SCFD2: variants seen among roughly 807,000 people sequenced by gnomAD.
SCFD2 encodes sec1 family domain containing 2, also known as sec1 family domain-containing protein 2.
In SCFD2, 54 loss-of-function variants were observed where a neutral mutation model predicts 58.9. That is an observed-to-expected ratio of 0.92 (90% confidence interval 0.74 to 1.15). SCFD2 has a LOEUF of 1.15. Ranked by LOEUF, SCFD2 falls within the 50% of genes most tolerant of loss-of-function variation. The pLI is 0.00. For missense variants in SCFD2, 805 were observed against 836.6 expected, an observed-to-expected ratio of 0.96 and a Z score of 0.47; for synonymous variants, 321 against 335.9, an observed-to-expected ratio of 0.96 and a Z score of 0.49.
chr4:52,907,506 G>C lies in SCFD2; in HGVS notation c.1793C>G (p.Ser598Cys), dbSNP rs1719374107. The C allele has an allele frequency of 1.2e-6, 2 of 1,613,724 alleles. No individual in the cohort carries two copies. Among genetic ancestry groups the C allele is most frequent in the African/African-American group, 2.7e-5 (2 of 74,902 alleles). Residue 598 changes from serine to cysteine, a missense_variant, in exon 7 of 9, where the codon TCT (serine) becomes TGT (cysteine). Coordinates refer to ENST00000401642, the MANE Select transcript of SCFD2 (RefSeq NM_152540.4). Reference protein sequence around the residue: ...RPDSVDIEHMSSGLTDLLKTG... With the variant: ...RPDSVDIEHMCSGLTDLLKTG... ...TTTAAGGAGATCAGTGAGGCCTGAAGACATGTGTTCAATATCAACGGAATC... is the reference window on the plus strand; with the variant it reads ...TTTAAGGAGATCAGTGAGGCCTGAACACATGTGTTCAATATCAACGGAATC...
At chr4:53,168,829 C>T (rs1270347196) in intron 4 of SCFD2, among the ~76,000 whole-genome samples, 1 of 152,164 alleles carries the variant, frequency 6.6e-6, no homozygotes, top group Admixed American at 6.5e-5. Flanking sequence ...CACTGTGCAA[C>T]AGATCTCAAA....
intron 5 of SCFD2, among the ~76,000 whole-genome samples, chr4:53,123,656 C>T (rs1725547076): frequency 6.6e-6 from 1 of 152,184 alleles, no homozygotes; most frequent in Non-Finnish European, 1.5e-5. Context: ...TCCAAGTACA[C>T]AACTCTCACC....
chr4:53,000,920 C>A (rs189585580), intron 5 of SCFD2, among the ~76,000 whole-genome samples: 1 of 152,170 alleles, frequency 6.6e-6, no homozygotes, highest in Non-Finnish European at 1.5e-5. Context: ...GTCCATGACC[C>A]GGGGGTTTGG....
intron 4 of SCFD2, among the ~76,000 whole-genome samples, chr4:53,172,160 C>A (rs1352290322): frequency 6.6e-6 from 1 of 151,894 alleles, no homozygotes; most frequent in Non-Finnish European, 1.5e-5. Context: ...GCACGCACCA[C>A]CACACCCAGC....
chr4:53,198,182 A>G (rs1183702293), intron 4 of SCFD2, among the ~76,000 whole-genome samples: 1 of 152,058 alleles, frequency 6.6e-6, no homozygotes, highest in Non-Finnish European at 1.5e-5. Context: ...CTTTTATTTA[A>G]TAATTGAAAG....
At chr4:53,105,332 A>G (rs1268147769) in intron 5 of SCFD2, among the ~76,000 whole-genome samples, 1 of 151,316 alleles carries the variant, frequency 6.6e-6, no homozygotes, top group African/African-American at 2.4e-5. Flanking sequence ...TACCACCGAG[A>G]CAGAGCCGTT....
chr4:53,135,163 C>T (rs1725899441), intron 5 of SCFD2, among the ~76,000 whole-genome samples: 1 of 151,996 alleles, frequency 6.6e-6, no homozygotes, highest in Non-Finnish European at 1.5e-5. Context: ...ATCATTTTAT[C>T]CATCTGGAGA....
intron 3 of SCFD2, among the ~76,000 whole-genome samples, chr4:53,296,939 T>C (rs1323861150): frequency 2.6e-5 from 4 of 152,220 alleles, no homozygotes; most frequent in Non-Finnish European, 4.4e-5. Flanking sequence ...TCCATGTAGT[T>C]GTGTGGTCTT....
chr4:53,200,519 C>T (rs1312349291), intron 4 of SCFD2, among the ~76,000 whole-genome samples: 5 of 152,078 alleles, frequency 3.3e-5, no homozygotes, highest in Admixed American at 2.0e-4. Context: ...ACTGTCTCTA[C>T]AACTAATTAC....
At position 52,875,156 on chromosome 4, in the gene SCFD2, C is replaced by T. The variant is rs374293884; in HGVS notation, c.1963-1095G>A. On this transcript the variant is annotated intron_variant, in intron 8 of 8. Coordinates refer to ENST00000401642, the MANE Select transcript of SCFD2 (RefSeq NM_152540.4). ...GCAGACAGGCTGGCCCCAGTGCCCC[C>T]GTGCCTCCCTTCCCTGTCATCAAGG... Among the ~76,000 whole-genome samples, 3 of 152,300 alleles carry T rather than the reference C, an allele frequency of 2.0e-5. No homozygotes were observed. In the East Asian group the frequency reaches 5.8e-4, roughly 29 times the overall value.
At chr4:53,162,839 T>TA (rs1382628117) in intron 4 of SCFD2, among the ~76,000 whole-genome samples, 6 of 150,910 alleles carry the variant, frequency 4.0e-5, no homozygotes, top group African/African-American at 1.5e-4. Flanking sequence ...CCCTAAAACT[T>TA]AAAGTATAAT....
At chr4:53,299,496 G>A (rs1732187324) in intron 3 of SCFD2, among the ~76,000 whole-genome samples, 1 of 152,204 alleles carries the variant, frequency 6.6e-6, no homozygotes, top group Non-Finnish European at 1.5e-5. Flanking sequence ...GTGACAGGGA[G>A]AATGGAACCA....
intron 5 of SCFD2, among the ~76,000 whole-genome samples, chr4:52,969,593 C>G (rs1721044818): frequency 6.6e-6 from 1 of 152,138 alleles, no homozygotes; most frequent in Non-Finnish European, 1.5e-5. Flanking sequence ...GTGTTACTTC[C>G]AGACAGGACT....
At chr4:52,884,486 C>G (rs1011147974) in intron 8 of SCFD2, among the ~76,000 whole-genome samples, 2 of 152,202 alleles carry the variant, frequency 1.3e-5, no homozygotes, top group Admixed American at 6.5e-5. Flanking sequence ...AACACCACCT[C>G]CTCAGGGGCC....
intron 4 of SCFD2, among the ~76,000 whole-genome samples, chr4:53,239,429 G>GGAGGGAGAGGGA (rs574905633): frequency 1.4e-4 from 20 of 142,424 alleles, no homozygotes; most frequent in Non-Finnish European, 2.8e-4. Flanking sequence ...AGGAGGGAGA[G>GGAGGGAGAGGGA]GAGGGAGAGG....
At chr4:53,091,979 T>C (rs549725229) in intron 5 of SCFD2, among the ~76,000 whole-genome samples, 1 of 152,272 alleles carries the variant, frequency 6.6e-6, no homozygotes, top group South Asian at 2.1e-4. Context: ...CCAGAGTCAA[T>C]ATCAGTATCA....
At chr4:52,956,477 G>T (rs1422275481) in intron 5 of SCFD2, 3 of 343,126 alleles carry the variant, frequency 8.7e-6, no homozygotes, top group Admixed American at 4.0e-5. Flanking sequence ...ACAGTGCAAC[G>T]AGGACTTGGA....
intron 2 of SCFD2, among the ~76,000 whole-genome samples, chr4:53,342,426 C>G (rs1733910578): frequency 6.6e-6 from 1 of 152,176 alleles, no homozygotes; most frequent in Non-Finnish European, 1.5e-5. Context: ...AATATATATG[C>G]ACCCAATACA....
intron 6 of SCFD2, among the ~76,000 whole-genome samples, chr4:52,913,262 CAGG>C (rs1053367738): frequency 6.6e-6 from 1 of 152,138 alleles, no homozygotes; most frequent in Non-Finnish European, 1.5e-5. Flanking sequence ...GGCCACACAG[CAGG>C]AGGTGAGCAG....
Sources: allele counts gnomAD v4.1 joint callset (sites outside exome capture counted in the v4.1 genomes callset), GRCh38; gene constraint gnomAD v4.1.1; transcripts MANE v1.5; gene names NCBI Gene and HGNC (gene_info 2026-07-23, HGNC 2026-07-21).